OR2F1: variants seen among roughly 807,000 people sequenced by gnomAD.
OR2F1 encodes olfactory receptor family 2 subfamily F member 1.
For synonymous variants in OR2F1, 146 were observed against 155.3 expected (o/e 0.94, Z 0.44); for missense variants, 389 against 378.2 (o/e 1.03, Z -0.24).
chr7:143,957,331 C>G (rs543759129), intron 1 of OR2F1, among the ~76,000 whole-genome samples: 2 of 151,978 alleles, frequency 1.3e-5, no homozygotes, highest in African/African-American at 4.8e-5. Flanking sequence ...TTTGAAGGAA[C>G]AAATAGGTAA....
In OR2F1 at chr7:143,961,298, G is replaced by A. The variant is rs2050328682; in HGVS notation, c.*374G>A. On this transcript the variant is annotated 3_prime_UTR_variant, in exon 3 of 3. Coordinates refer to ENST00000641412, the MANE Select transcript of OR2F1 (RefSeq NM_012369.3). ...ACTTACACATCCACATTTTATAAAA[G>A]GTTATGGGGCTTCCATTGAAAACAA... 1 of 181,234 alleles carries A rather than the reference G, an allele frequency of 5.5e-6. No homozygotes were observed. The highest frequency in any genetic ancestry group is 1.2e-5 in the Non-Finnish European group (1 of 85,506). The allele number at this position is 181,234 out of a possible 1,614,324, so 11.2% of individuals were successfully genotyped here. A position where few individuals can be genotyped will look rare whatever the true frequency, so the allele number is the denominator to read the frequency against.
chr7:143,961,184 GT>G lies in OR2F1; in HGVS notation c.*262del. The G allele has an allele frequency of 2.4e-6, 1 of 412,618 alleles. No individual in the cohort carries two copies. The highest frequency in any genetic ancestry group is 4.4e-6 in the Non-Finnish European group (1 of 225,554). 25.6% of individuals were successfully genotyped at this position (412,618 alleles called of 1,614,324 possible). ...CCTCCACTCTTACAGCCTGACAATC[GT>G]TGAAAAAAAATTACTACTTACTGTT... On this transcript the variant is annotated 3_prime_UTR_variant, in exon 3 of 3. Transcript: ENST00000641412.
Position 143,960,133 on chromosome 7 carries a change from C to G in OR2F1, c.163C>G (p.Leu55Val). Residue 55 changes from leucine (L) to valine (V), a missense_variant, in exon 3 of 3, where the codon CTC becomes GTC. By Grantham distance (32) the Leu-to-Val change is conservative. Transcript: ENST00000641412. ...CCTTCTGATCAGACTGGACAGCCGA[C>G]TCCACACTCCCATGTATTTCTTTCT... The part of the protein sequence containing the change: ...IVLLIRLDSR[L>V]HTPMYFFLTN... The G allele has an allele frequency of 6.2e-7, 1 of 1,614,110 alleles. No homozygotes were observed.
In OR2F1 at chr7:143,959,982, T is replaced by A; in HGVS notation, c.12T>A (p.Asp4Glu). The A allele has an allele frequency of 6.2e-7, 1 of 1,604,296 alleles. No homozygotes were observed. The highest frequency in any genetic ancestry group is 1.3e-5 in the African/African-American group (1 of 74,728). MGT[D>E]NQTWVSEFIL... Reference sequence around the variant, plus strand: ...CCTTGAATATTTTAATGGGAACAGATAACCAGACTTGGGTGAGTGAATTTA... The same window carrying A: ...CCTTGAATATTTTAATGGGAACAGAAAACCAGACTTGGGTGAGTGAATTTA... The change falls in exon 3 of 3, where the codon GAT (aspartate) becomes GAA (glutamate). Residue 4 changes from aspartate (D) to glutamate (E), a missense_variant. Physicochemically the swap from Asp to Glu is conservative, Grantham distance 45 (BLOSUM62 2). Transcript: ENST00000641412.
chr7:143,956,227 A>G (rs898685118), intron 1 of OR2F1, among the ~76,000 whole-genome samples: 1 of 152,152 alleles, frequency 6.6e-6, no homozygotes, highest in African/African-American at 2.4e-5. Context: ...ACCTTGATAT[A>G]AGAATAGAAA....
Position 143,961,181 on chromosome 7 carries a change from A to G in OR2F1, c.*257A>G. On this transcript the variant is annotated 3_prime_UTR_variant, in exon 3 of 3. Coordinates refer to ENST00000641412, the MANE Select transcript of OR2F1 (RefSeq NM_012369.3). ...CCACCTCCACTCTTACAGCCTGACA[A>G]TCGTTGAAAAAAAATTACTACTTAC... is the stretch of plus-strand genomic sequence containing the variant. The G allele has an allele frequency of 2.4e-6, 1 of 424,078 alleles. No homozygotes were observed. The highest frequency in any genetic ancestry group is 4.3e-6 in the Non-Finnish European group (1 of 232,290). The allele number at this position is 424,078 out of a possible 1,614,324, so 26.3% of individuals were successfully genotyped here.
At chr7:143,957,899 T>A (rs2050296087) in intron 1 of OR2F1, among the ~76,000 whole-genome samples, 1 of 152,132 alleles carries the variant, frequency 6.6e-6, no homozygotes, top group Non-Finnish European at 1.5e-5. Flanking sequence ...AACACATGTG[T>A]ATCTAAAACA....
intron 1 of OR2F1, among the ~76,000 whole-genome samples, chr7:143,957,734 C>G (rs1159030170): frequency 6.6e-6 from 1 of 152,152 alleles, no homozygotes; most frequent in Non-Finnish European, 1.5e-5. Flanking sequence ...CAATGGACAC[C>G]TGCCTGTTTC....
At chr7:143,957,959 C>G (rs1169833365) in intron 1 of OR2F1, among the ~76,000 whole-genome samples, 1 of 152,128 alleles carries the variant, frequency 6.6e-6, no homozygotes, top group African/African-American at 2.4e-5. Flanking sequence ...GAGACACTGT[C>G]ACTCATTTGT....
In OR2F1 at chr7:143,963,494, G is replaced by C. The variant is rs144537036; in HGVS notation, c.*2570G>C. On this transcript the variant is annotated 3_prime_UTR_variant, in exon 3 of 3. Transcript: ENST00000641412. ...TTCTTTAGAGAGACAAGACTAATAG[G>C]ATAGATGAATATATGAAAAGGAGTT... The C allele has an allele frequency of 3.4e-3, 516 of 152,324 alleles. 2 individuals carry two copies. The highest frequency in any genetic ancestry group is 0.012 in the African/African-American group (485 of 41,576). 9.4% of individuals were successfully genotyped at this position (152,324 alleles called of 1,614,324 possible). A position where few individuals can be genotyped will look rare whatever the true frequency, so the allele number is the denominator to read the frequency against.
chr7:143,962,826 T>A lies in OR2F1; in HGVS notation c.*1902T>A, dbSNP rs979048013. 6.6e-6 allele frequency: 1 copy of A among 152,098 alleles called. No individual in the cohort carries two copies. The highest frequency in any genetic ancestry group is 2.4e-5 in the African/African-American group (1 of 41,404). 9.4% of individuals were successfully genotyped at this position (152,098 alleles called of 1,614,324 possible). ...GTCCGTCAAAAATTTTTAGAAGGAG[T>A]ATAGATTGAAAACAATTACATTTTA... is the stretch of plus-strand genomic sequence containing the variant. On this transcript the variant is annotated 3_prime_UTR_variant, in exon 3 of 3. Coordinates refer to ENST00000641412, the MANE Select transcript of OR2F1 (RefSeq NM_012369.3).
rs753814820 is a variant in OR2F1, at chr7:143,959,966, T to C, written c.-5T>C. 1 of 1,582,274 alleles carries C rather than the reference T, an allele frequency of 6.3e-7. No homozygotes were observed. The highest frequency in any genetic ancestry group is 8.6e-7 in the Non-Finnish European group (1 of 1,163,040). On this transcript the variant is annotated 5_prime_UTR_variant, in exon 3 of 3. Transcript: ENST00000641412. ...TTCACAGATTAATAATCCTTGAATA[T>C]TTTAATGGGAACAGATAACCAGACT...
At chr7:143,957,587 G>T (rs1211872809) in intron 1 of OR2F1, among the ~76,000 whole-genome samples, 2 of 152,078 alleles carry the variant, frequency 1.3e-5, no homozygotes, top group East Asian at 1.9e-4. Context: ...TGAGATGCCT[G>T]TATATTTTCT....
At chr7:143,957,231 A>C (rs2050292166) in intron 1 of OR2F1, among the ~76,000 whole-genome samples, 1 of 152,246 alleles carries the variant, frequency 6.6e-6, no homozygotes, top group Admixed American at 6.5e-5. Flanking sequence ...CTCATACAGC[A>C]GAGCAGGAGA....
At position 143,960,390 on chromosome 7, in the gene OR2F1, G is replaced by A. The variant is rs753665031; in HGVS notation, c.420G>A (p.Leu140=). 1.2e-6 allele frequency: 2 copies of A among 1,614,182 alleles called. No individual in the cohort carries two copies. The highest frequency in any genetic ancestry group is 4.5e-5 in the East Asian group (2 of 44,878). Residue 140 remains leucine (L), a synonymous_variant, in exon 3 of 3, where the codon CTG becomes CTA. Coordinates refer to ENST00000641412, the MANE Select transcript of OR2F1 (RefSeq NM_012369.3). ...LRYSAIMHGG[L]CARLAITSWV... ...ACTCGGCCATCATGCATGGAGGGCT[G>A]TGTGCTAGGTTGGCCATCACATCCT...
At chr7:143,955,559 C>G (rs1043765258) in intron 1 of OR2F1, among the ~76,000 whole-genome samples, 6 of 152,124 alleles carry the variant, frequency 3.9e-5, no homozygotes, top group African/African-American at 1.4e-4. Context: ...TAGCACCTGT[C>G]TTACTATATC....
rs896041075 is a variant in OR2F1 at position 143,963,881 on chromosome 7, G to A, written c.*2957G>A. On this transcript the variant is annotated 3_prime_UTR_variant, in exon 3 of 3. Transcript: ENST00000641412. ...GATGGTGCCTACCCAGATTGAGGAT[G>A]GGCCTGCCTCTCCTAGTCCACTGAC... The A allele has an allele frequency of 2.0e-5, 3 of 152,170 alleles. No homozygotes were observed. The highest frequency in any genetic ancestry group is 7.2e-5 in the African/African-American group (3 of 41,430). 9.4% of individuals were successfully genotyped at this position (152,170 alleles called of 1,614,324 possible). A position where few individuals can be genotyped will look rare whatever the true frequency, so the allele number is the denominator to read the frequency against.
chr7:143,960,524 T>A lies in OR2F1; in HGVS notation c.554T>A (p.Val185Asp). The change falls in exon 3 of 3, where the codon GTC becomes GAC. Residue 185 changes from valine (V) to aspartate (D), a missense_variant. Val to Asp is a radical substitution (Grantham distance 152, BLOSUM62 -3). Transcript: ENST00000641412. ...DHISCELLAVVRLACVDTSSN... is the reference protein window; with the variant it reads ...DHISCELLAVDRLACVDTSSN... ...ATATCCTGTGAACTCCTAGCTGTGG[T>A]CAGGCTGGCTTGTGTGGACACCTCC... is the stretch of plus-strand genomic sequence containing the variant. 2 of 1,614,206 alleles carry A rather than the reference T, an allele frequency of 1.2e-6. No individual in the cohort carries two copies. The highest frequency in any genetic ancestry group is 2.7e-5 in the African/African-American group (2 of 75,052).
Position 143,963,685 on chromosome 7 carries a change from C to G in OR2F1, c.*2761C>G, listed in dbSNP as rs1449101997. The G allele has an allele frequency of 6.5e-6, 1 of 152,814 alleles. No homozygotes were observed. The highest frequency in any genetic ancestry group is 1.9e-4 in the East Asian group (1 of 5,198). 9.5% of individuals were successfully genotyped at this position (152,814 alleles called of 1,614,324 possible). A position where few individuals can be genotyped will look rare whatever the true frequency, so the allele number is the denominator to read the frequency against. On this transcript the variant is annotated 3_prime_UTR_variant, in exon 3 of 3. Transcript: ENST00000641412. ...AAAGGCCCGAGAGCCCCTGGTCAAC[C>G]ACTGGTGTAGGTCCAAGAGTCCGAA... is the stretch of plus-strand genomic sequence containing the variant.
Sources: allele counts gnomAD v4.1 joint callset (sites outside exome capture counted in the v4.1 genomes callset), GRCh38; gene constraint gnomAD v4.1.1; transcripts MANE v1.5; gene names NCBI Gene and HGNC (gene_info 2026-07-23, HGNC 2026-07-21).